The following ZFP14 variants were observed in gnomAD, a reference collection of about 807,000 sequenced individuals.
The protein encoded by ZFP14 is zinc finger protein 14 homolog.
In ZFP14, 22 loss-of-function variants were observed where a neutral mutation model predicts 54.5. The observed-to-expected ratio is 0.40, with a 90% CI of 0.29 to 0.58. ZFP14 has a LOEUF of 0.58. Among genes scored for constraint, ZFP14 ranks in the 20% least tolerant of loss-of-function variants. The pLI, the probability that ZFP14 is intolerant of heterozygous loss-of-function variation, is 0.39. For synonymous variants in ZFP14, 159 were observed against 204.0 expected (o/e 0.78, Z 1.88); for missense variants, 470 against 637.8 (o/e 0.74, Z 2.83).
chr19:36,363,733 T>G (rs562479175), intron 2 of ZFP14, among the ~76,000 whole-genome samples: 1 of 151,290 alleles, frequency 6.6e-6, no homozygotes, highest in South Asian at 2.1e-4. Context: ...CTCAAGCCTG[T>G]AATCCCAGCA....
At chr19:36,364,458 T>C (rs1172328522) in intron 2 of ZFP14, among the ~76,000 whole-genome samples, 7 of 152,094 alleles carry the variant, frequency 4.6e-5, no homozygotes, top group Non-Finnish European at 8.8e-5. Context: ...ACCCATTAGG[T>C]TGAGGACGAC....
intron 1 of ZFP14, among the ~76,000 whole-genome samples, 181 bp from the exon 2 acceptor site, chr19:36,368,152 G>A (rs551707543): frequency 7.9e-4 from 121 of 152,206 alleles, no homozygotes; most frequent in African/African-American, 2.8e-3. Context: ...TATAACTGGG[G>A]AAAAGTATAG....
intron 1 of ZFP14, among the ~76,000 whole-genome samples, chr19:36,373,287 A>C (rs1288089283): frequency 6.6e-6 from 1 of 151,834 alleles, no homozygotes; most frequent in African/African-American, 2.4e-5. Flanking sequence ...CAAAAAAAAA[A>C]AACAAAAAAA....
chr19:36,374,598 G>A (rs1349441244), intron 1 of ZFP14, among the ~76,000 whole-genome samples: 4 of 151,944 alleles, frequency 2.6e-5, no homozygotes, highest in Non-Finnish European at 5.9e-5. Context: ...ATTTCGGAAT[G>A]ATTCAATAAC....
chr19:36,340,483 C>A lies in ZFP14; in HGVS notation c.1343G>T (p.Gly448Val). Residue 448 changes from glycine to valine, a missense_variant, in exon 5 of 5, where the codon GGT becomes GTT. Coordinates refer to ENST00000270001, the MANE Select transcript of ZFP14 (RefSeq NM_020917.3). This position sits in a 1 kb window ranked among gnomAD's most constrained non-coding sequence, Gnocchi z 5.4. ...QLTQHQSIHT[G>V]EKPYECKECR... ...TTCCTTACATTCATAAGGTTTCTCA[C>A]CAGTGTGAATACTTTGATGCTGAGT... 1 of 1,613,916 alleles carries A rather than the reference C, an allele frequency of 6.2e-7. No homozygotes were observed. The highest frequency in any genetic ancestry group is 8.5e-7 in the Non-Finnish European group (1 of 1,179,824).
chr19:36,335,227 T>C lies in ZFP14; in HGVS notation c.*4997A>G, dbSNP rs983140851. On this transcript the variant is annotated 3_prime_UTR_variant, in exon 5 of 5. Transcript: ENST00000270001. ...TTTGCCTATTTTCCCAAGAAATCTT[T>C]TTTTCAAATACCATCGAGAATTAAT... 7 of 152,236 alleles carry C rather than the reference T, an allele frequency of 4.6e-5. No individual in the cohort carries two copies. Among genetic ancestry groups the C allele is most frequent in the Non-Finnish European group, 1.0e-4 (7 of 68,050 alleles). The allele number at this position is 152,236 out of a possible 1,614,324, so 9.4% of individuals were successfully genotyped here. A position where few individuals can be genotyped will look rare whatever the true frequency, so the allele number is the denominator to read the frequency against.
At chr19:36,368,433 A>G (rs1269553669) in intron 1 of ZFP14, among the ~76,000 whole-genome samples, 1 of 152,066 alleles carries the variant, frequency 6.6e-6, no homozygotes, top group Non-Finnish European at 1.5e-5. Flanking sequence ...GCGCCATTAC[A>G]CTCCAGCCTG....
chr19:36,369,506 G>A (rs2031848365), intron 1 of ZFP14, among the ~76,000 whole-genome samples: 1 of 151,992 alleles, frequency 6.6e-6, no homozygotes, highest in African/African-American at 2.4e-5. Context: ...TGCCTCCAGG[G>A]TTCAAGCGTT....
At chr19:36,376,988 G>A (rs2031973236) in intron 1 of ZFP14, among the ~76,000 whole-genome samples, 1 of 152,062 alleles carries the variant, frequency 6.6e-6, no homozygotes, top group Non-Finnish European at 1.5e-5. Flanking sequence ...TAAATACGTG[G>A]CCTGAAACAC....
Position 36,340,136 on chromosome 19 carries a change from T to C in ZFP14, c.*88A>G. 1 of 1,299,574 alleles carries C rather than the reference T, an allele frequency of 7.7e-7. No individual in the cohort carries two copies. Among genetic ancestry groups the C allele is most frequent in the Non-Finnish European group, 1.0e-6 (1 of 977,212 alleles). The allele number at this position is 1,299,574 out of a possible 1,614,324, so 80.5% of individuals were successfully genotyped here. On this transcript the variant is annotated 3_prime_UTR_variant, in exon 5 of 5. Transcript: ENST00000270001. This position sits in a 1 kb window ranked among gnomAD's most constrained non-coding sequence, Gnocchi z 5.4. ...TCTTTCTCTAATATAAAATTTATTA[T>C]GCTTGGAATTGAGCATGAAACACAT...
chr19:36,375,890 G>T (rs958666017), intron 1 of ZFP14, among the ~76,000 whole-genome samples: 2 of 151,194 alleles, frequency 1.3e-5, no homozygotes, highest in African/African-American at 4.9e-5. Context: ...ATGGGGTTTC[G>T]CCATTTTGGC....
chr19:36,341,366 T>G lies in ZFP14; in HGVS notation c.460A>C (p.Lys154Gln). 1.2e-6 allele frequency: 2 copies of G among 1,614,136 alleles called. No homozygotes were observed. The highest frequency in any genetic ancestry group is 1.7e-6 in the Non-Finnish European group (2 of 1,180,008). The change falls in exon 5 of 5, where the codon AAA (lysine) becomes CAA (glutamine). Residue 154 changes from lysine to glutamine, a missense_variant. Lys to Gln is a moderately conservative substitution (Grantham distance 53). Coordinates refer to ENST00000270001, the MANE Select transcript of ZFP14 (RefSeq NM_020917.3). The surrounding 1 kb of genome is among the most constrained non-coding windows in gnomAD (Gnocchi z 4.2). ...TACTCAGTAAGAAAATTGTGCCTTTTGTAAGTGGTCATTTTTTCAGAGGTA... is the reference window on the plus strand; with the variant it reads ...TACTCAGTAAGAAAATTGTGCCTTTGGTAAGTGGTCATTTTTTCAGAGGTA... ...KITSEKMTTY[K>Q]RHNFLTEYQI... is the part of the protein sequence containing the mutation.
Position 36,340,142 on chromosome 19 carries a change from G to A in ZFP14, c.*82C>T. 7.4e-7 allele frequency: 1 copy of A among 1,343,460 alleles called. No individual in the cohort carries two copies. The highest frequency in any genetic ancestry group is 2.8e-5 in the Admixed American group (1 of 35,712). The allele number at this position is 1,343,460 out of a possible 1,614,324, so 83.2% of individuals were successfully genotyped here. On this transcript the variant is annotated 3_prime_UTR_variant, in exon 5 of 5. Transcript: ENST00000270001. This position sits in a 1 kb window ranked among gnomAD's most constrained non-coding sequence, Gnocchi z 5.4. Reference sequence around the variant, plus strand: ...TCTAATATAAAATTTATTATGCTTGGAATTGAGCATGAAACACATTTTCTC... The same window carrying A: ...TCTAATATAAAATTTATTATGCTTGAAATTGAGCATGAAACACATTTTCTC...
chr19:36,367,279 C>T (rs2031809025), intron 2 of ZFP14, among the ~76,000 whole-genome samples: 1 of 152,034 alleles, frequency 6.6e-6, no homozygotes, highest in South Asian at 2.1e-4. Context: ...AAATGAAAAG[C>T]GGTTCCACTG....
chr19:36,351,568 A>G (rs2031525892), intron 4 of ZFP14, among the ~76,000 whole-genome samples: 1 of 142,698 alleles, frequency 7.0e-6, no homozygotes, highest in South Asian at 2.2e-4. Context: ...AGGAATTAAA[A>G]TACTATTAAG....
intron 3 of ZFP14, among the ~76,000 whole-genome samples, 165 bp downstream of exon 3, chr19:36,361,947 G>A (rs1390889635): frequency 6.6e-6 from 1 of 152,186 alleles, no homozygotes; most frequent in Non-Finnish European, 1.5e-5. Context: ...GAAGTCTGAA[G>A]GGCATAGCAG....
chr19:36,373,229 A>G (rs1298907306), intron 1 of ZFP14, among the ~76,000 whole-genome samples: 1 of 151,498 alleles, frequency 6.6e-6, no homozygotes, highest in Non-Finnish European at 1.5e-5. Flanking sequence ...GTGAGCCGAG[A>G]TGGCGTCATT....
chr19:36,374,901 A>G (rs898935185), intron 1 of ZFP14, among the ~76,000 whole-genome samples: 1 of 152,216 alleles, frequency 6.6e-6, no homozygotes, highest in Non-Finnish European at 1.5e-5. Flanking sequence ...TAACTGAGAA[A>G]AAAAGCTAAG....
At chr19:36,378,507 C>CA (rs1466703445) in intron 1 of ZFP14, 2 of 152,196 alleles carry the variant, frequency 1.3e-5, no homozygotes, top group Non-Finnish European at 2.9e-5. Flanking sequence ...AAGAGGAAAG[C>CA]AAATGCCCCC....
Sources: allele counts gnomAD v4.1 joint callset (sites outside exome capture counted in the v4.1 genomes callset), GRCh38; gene constraint gnomAD v4.1.1; non-coding constraint Gnocchi (gnomAD v3.1); transcripts MANE v1.5; gene names NCBI Gene and HGNC (gene_info 2026-07-23, HGNC 2026-07-21).